ZC3H8: variants seen among roughly 807,000 people sequenced by gnomAD.
ZC3H8 encodes the protein zinc finger CCCH domain-containing protein 8.
In ZC3H8, 27 loss-of-function variants were observed where a neutral mutation model predicts 42.5. The ratio of observed to expected loss-of-function variants is 0.64; its 90% CI spans 0.47 to 0.88. ZC3H8 has a LOEUF of 0.88. Ranked by LOEUF, ZC3H8 falls within the 40% of genes least tolerant of loss-of-function variation. The pLI is 0.00. For missense variants in ZC3H8, 277 were observed against 336.1 expected (o/e 0.82, Z 1.37); for synonymous variants, 101 against 110.1 (o/e 0.92, Z 0.52).
intron 2 of ZC3H8, among the ~76,000 whole-genome samples, chr2:112,239,157 G>A (rs945224030): frequency 6.6e-6 from 1 of 152,328 alleles, no homozygotes; most frequent in African/African-American, 2.4e-5. Context: ...ACGTGCCCAA[G>A]GCAAGGGTGA....
In ZC3H8 at chr2:112,231,781, G is replaced by A. The variant is rs1685101946; in HGVS notation, c.843+57C>T. 14 of 1,132,396 alleles carry A rather than the reference G, an allele frequency of 1.2e-5. No homozygotes were observed. In the South Asian group the frequency reaches 1.5e-4, roughly 12 times the overall value. The allele number at this position is 1,132,396 out of a possible 1,614,324, so 70.1% of individuals were successfully genotyped here. On this transcript the variant is annotated intron_variant, in intron 7 of 8. Transcript: ENST00000409573. ...AATTATCTTCAAATTCTCATCCTTAGTTCAAACATATTCCTTAAAAAAGAA... is the reference window on the plus strand; with the variant it reads ...AATTATCTTCAAATTCTCATCCTTAATTCAAACATATTCCTTAAAAAAGAA...
At chr2:112,252,679 T>C (rs1013774446) in intron 1 of ZC3H8, among the ~76,000 whole-genome samples, 7 of 152,092 alleles carry the variant, frequency 4.6e-5, no homozygotes, top group Admixed American at 2.0e-4. Flanking sequence ...CTGGCCACTT[T>C]GCTCCCCTAA....
intron 8 of ZC3H8, among the ~76,000 whole-genome samples, chr2:112,230,368 T>C (rs1000213601): frequency 1.3e-5 from 2 of 152,200 alleles, no homozygotes; most frequent in African/African-American, 4.8e-5. Context: ...GGATAACTTG[T>C]GCACATTCAT....
chr2:112,223,343 GATGTA>G (rs1266092448), intron 8 of ZC3H8, among the ~76,000 whole-genome samples: 1 of 151,890 alleles, frequency 6.6e-6, no homozygotes, highest in African/African-American at 2.4e-5. Flanking sequence ...TATTAATTTA[GATGTA>G]ATGGACAAAT....
chr2:112,248,062 A>G (rs932316485), intron 2 of ZC3H8, among the ~76,000 whole-genome samples: 4 of 152,330 alleles, frequency 2.6e-5, no homozygotes, highest in Admixed American at 2.0e-4. Flanking sequence ...ATGGTGGCTC[A>G]CACCTATAAT....
intron 8 of ZC3H8, among the ~76,000 whole-genome samples, chr2:112,226,639 G>A (rs958656772): frequency 1.4e-5 from 2 of 146,666 alleles, no homozygotes; most frequent in Non-Finnish European, 1.5e-5. Flanking sequence ...GTGAATTAAA[G>A]GAGAAATAAT....
Position 112,233,246 on chromosome 2 carries a change from G to A in ZC3H8, c.733+14C>T, listed in dbSNP as rs373897826. 6.8e-5 allele frequency: 98 copies of A among 1,439,822 alleles called. No homozygotes were observed. The African/African-American group carries it at 1.3e-3, about 19-fold the overall frequency. 89.2% of individuals were successfully genotyped at this position (1,439,822 alleles called of 1,614,324 possible). A position where few individuals can be genotyped will look rare whatever the true frequency, so the allele number is the denominator to read the frequency against. Reference sequence around the variant, plus strand: ...AATATTTATAAAGTCACCATATCTTGTGATAAAGGATATTATGCAAATACA... The same window carrying A: ...AATATTTATAAAGTCACCATATCTTATGATAAAGGATATTATGCAAATACA... On this transcript the variant is annotated intron_variant, in intron 6 of 8. Coordinates refer to ENST00000409573, the MANE Select transcript of ZC3H8 (RefSeq NM_032494.3).
chr2:112,222,282 C>G (rs1684622777), intron 8 of ZC3H8, among the ~76,000 whole-genome samples: 1 of 152,148 alleles, frequency 6.6e-6, no homozygotes, highest in African/African-American at 2.4e-5. Flanking sequence ...TGTTTACTTC[C>G]TGAGTAAACA....
chr2:112,236,152 T>C (rs1231807768), intron 4 of ZC3H8, among the ~76,000 whole-genome samples: 2 of 151,980 alleles, frequency 1.3e-5, no homozygotes, highest in Non-Finnish European at 2.9e-5. Context: ...TAGTCCCAGC[T>C]ACTCAGGAGG....
intron 3 of ZC3H8, among the ~76,000 whole-genome samples, chr2:112,237,942 T>C (rs1176962201): frequency 6.6e-6 from 1 of 152,194 alleles, no homozygotes. Flanking sequence ...GAAGAATATA[T>C]TTCTGAGTTA....
intron 2 of ZC3H8, among the ~76,000 whole-genome samples, chr2:112,245,519 T>A (rs979177221): frequency 1.3e-5 from 2 of 152,162 alleles, no homozygotes; most frequent in African/African-American, 2.4e-5. Flanking sequence ...CTGGGTGTGA[T>A]GGTGCACACC....
chr2:112,220,650 C>T (rs1051940186), intron 8 of ZC3H8, among the ~76,000 whole-genome samples: 10 of 152,044 alleles, frequency 6.6e-5, no homozygotes, highest in African/African-American at 1.4e-4. Flanking sequence ...GGAGAAACCC[C>T]GTCTTCATTA....
intron 1 of ZC3H8, among the ~76,000 whole-genome samples, chr2:112,250,712 G>T (rs1195929478): frequency 6.6e-6 from 1 of 152,138 alleles, no homozygotes; most frequent in Non-Finnish European, 1.5e-5. Context: ...AAGTATAGGG[G>T]CATATATGGG....
intron 7 of ZC3H8, among the ~76,000 whole-genome samples, chr2:112,231,241 T>A (rs1685076869): frequency 6.6e-6 from 1 of 152,176 alleles, no homozygotes; most frequent in Non-Finnish European, 1.5e-5. Flanking sequence ...GACTTTGTAA[T>A]ATTTACATAT....
Position 112,234,248 on chromosome 2 carries a change from A to G in ZC3H8, c.505-12T>C, listed in dbSNP as rs761124993. 4.0e-5 allele frequency: 61 copies of G among 1,524,640 alleles called. No homozygotes were observed. The East Asian group carries it at 1.4e-3, about 34-fold the overall frequency. 94.4% of individuals were successfully genotyped at this position (1,524,640 alleles called of 1,614,324 possible). A position where few individuals can be genotyped will look rare whatever the true frequency, so the allele number is the denominator to read the frequency against. On this transcript the variant is annotated splice_polypyrimidine_tract_variant and intron_variant, in intron 4 of 8. Coordinates refer to ENST00000409573, the MANE Select transcript of ZC3H8 (RefSeq NM_032494.3). ...TTAGGTTTACCATCCTTTAAAAACA[A>G]AAACAAAAAAACTAAATGTAAGAAA...
chr2:112,217,367 A>AAAAAG (rs1180815341), intron 8 of ZC3H8, among the ~76,000 whole-genome samples: 2 of 152,220 alleles, frequency 1.3e-5, no homozygotes, highest in Non-Finnish European at 2.9e-5. Flanking sequence ...CATCTCAAAA[A>AAAAAG]AAAAGAAAAG....
rs562649562 is a variant in ZC3H8, at chr2:112,234,993, C to T, written c.505-757G>A. Among the ~76,000 whole-genome samples the T allele has an allele frequency of 5.4e-4, 82 of 150,588 alleles. 1 individual carries two copies. The South Asian group carries it at 0.012, about 21-fold the overall frequency. On this transcript the variant is annotated intron_variant, in intron 4 of 8. Coordinates refer to ENST00000409573, the MANE Select transcript of ZC3H8 (RefSeq NM_032494.3). ...ACACTTATCAGCTCAAATTAACACACGCAACTAGAAATACACCGTCAAAGA... is the reference window on the plus strand; with the variant it reads ...ACACTTATCAGCTCAAATTAACACATGCAACTAGAAATACACCGTCAAAGA...
chr2:112,225,648 C>G (rs183873135), intron 8 of ZC3H8, among the ~76,000 whole-genome samples: 76 of 152,266 alleles, frequency 5.0e-4, no homozygotes, highest in African/African-American at 1.6e-3. Flanking sequence ...GAAACTTAGT[C>G]TCTACTAAAA....
In ZC3H8 at chr2:112,223,267, GA is replaced by G. The variant is rs958756070; in HGVS notation, c.*16-6800del. Among the ~76,000 whole-genome samples the G allele has an allele frequency of 8.9e-4, 133 of 149,010 alleles. No individual in the cohort carries two copies. In the Middle Eastern group the frequency reaches 0.017, roughly 19 times the overall value. ...GAACTTAAAGTATAATTTAAAAAAAGAAAAAAAAAGTAAAGAATATTTAAAG... is the reference window on the plus strand; with the variant it reads ...GAACTTAAAGTATAATTTAAAAAAAGAAAAAAAAGTAAAGAATATTTAAAG... On this transcript the variant is annotated intron_variant, in intron 8 of 8. Transcript: ENST00000409573.
Sources: allele counts gnomAD v4.1 joint callset (sites outside exome capture counted in the v4.1 genomes callset), GRCh38; gene constraint gnomAD v4.1.1; transcripts MANE v1.5; gene names NCBI Gene and HGNC (gene_info 2026-07-23, HGNC 2026-07-21).